The following RAD51B variants were observed in gnomAD, a reference collection of about 807,000 sequenced individuals.
The protein encoded by RAD51B is RAD51 paralog B.
RAD51B carries 38 observed loss-of-function variants against 42.2 expected under a neutral mutation model. The ratio of observed to expected loss-of-function variants is 0.90; its 90% CI spans 0.70 to 1.18. The LOEUF (loss-of-function observed/expected upper bound fraction) is 1.18. Among genes scored for constraint, RAD51B ranks in the 50% most tolerant of loss-of-function variants. The pLI is 0.00. For missense variants in RAD51B, 373 were observed against 400.7 expected (o/e 0.93, Z 0.59); for synonymous variants, 154 against 145.2 (o/e 1.06, Z -0.43).
intron 7 of RAD51B, among the ~76,000 whole-genome samples, chr14:67,925,396 C>T (rs2044470564): frequency 6.6e-6 from 1 of 152,128 alleles, no homozygotes. Context: ...CCTCAGCCTC[C>T]CGAGTAGCCG....
rs142914246 is a variant in RAD51B at position 68,556,094 on chromosome 14, C to G, written c.1037-38391C>G. On this transcript the variant is annotated intron_variant, in intron 10 of 10. Transcript: ENST00000487270. The stretch of plus-strand genomic sequence containing the variant: ...TGTACTAGTGTTCTTCTTAAGAATA[C>G]TTTTTATTTCTTCTAATACCTCAGC... Among the ~76,000 whole-genome samples the G allele has an allele frequency of 7.5e-3, 1,145 of 152,304 alleles. 50 individuals are homozygous for G. Among genetic ancestry groups the G allele is most frequent in the Admixed American group, 0.069 (1,059 of 15,294 alleles).
intron 9 of RAD51B, among the ~76,000 whole-genome samples, chr14:68,416,985 TA>T (rs1423420705): frequency 1.3e-5 from 2 of 152,174 alleles, no homozygotes; most frequent in African/African-American, 4.8e-5. Context: ...GAAAAGTTGA[TA>T]AATTTTTTTT....
At chr14:68,229,433 T>A (rs1169857092) in intron 7 of RAD51B, among the ~76,000 whole-genome samples, 1 of 152,196 alleles carries the variant, frequency 6.6e-6, no homozygotes, top group Non-Finnish European at 1.5e-5. Flanking sequence ...TAGTACGTGC[T>A]AAGAAGCAGT....
chr14:68,191,105 A>G (rs2079257273), intron 7 of RAD51B, among the ~76,000 whole-genome samples: 2 of 152,214 alleles, frequency 1.3e-5, no homozygotes, highest in South Asian at 2.1e-4. Flanking sequence ...CTTGTGTTAA[A>G]TAAATGTTAT....
chr14:68,454,325 C>T (rs751460652), intron 9 of RAD51B, among the ~76,000 whole-genome samples: 12 of 152,046 alleles, frequency 7.9e-5, no homozygotes, highest in Non-Finnish European at 1.6e-4. Context: ...TCTACACCTC[C>T]ATAAAAGTAA....
chr14:68,651,461 G>A (rs995074306), intron 11 of RAD51B, among the ~76,000 whole-genome samples: 1 of 152,144 alleles, frequency 6.6e-6, no homozygotes, highest in Non-Finnish European at 1.5e-5. Flanking sequence ...CAGCATGCCC[G>A]GCCACATGTG....
intron 8 of RAD51B, among the ~76,000 whole-genome samples, chr14:68,346,136 A>G (rs1298793988): frequency 6.6e-6 from 1 of 152,242 alleles, no homozygotes; most frequent in Non-Finnish European, 1.5e-5. Context: ...GATGTTTTTT[A>G]TATTACATAT....
At chr14:68,344,492 A>G (rs558402420) in intron 8 of RAD51B, among the ~76,000 whole-genome samples, 1 of 152,182 alleles carries the variant, frequency 6.6e-6, no homozygotes, top group Non-Finnish European at 1.5e-5. Context: ...CTAAAAGTAC[A>G]AAAAATTAGC....
At chr14:68,061,053 CTTTTTTT>C (rs755916680) in intron 7 of RAD51B, among the ~76,000 whole-genome samples, 4 of 101,290 alleles carry the variant, frequency 3.9e-5, no homozygotes, top group East Asian at 3.1e-4. Flanking sequence ...TATTTGAGGT[CTTTTTTT>C]TTTTTTTTTT....
At chr14:67,869,909 C>T (rs1338363271) in intron 5 of RAD51B, among the ~76,000 whole-genome samples, 1 of 152,030 alleles carries the variant, frequency 6.6e-6, no homozygotes, top group Non-Finnish European at 1.5e-5. Context: ...ACCACCAGGT[C>T]TGCCCTAAAA....
intron 11 of RAD51B, among the ~76,000 whole-genome samples, chr14:68,671,576 C>T (rs565775470): frequency 6.6e-6 from 1 of 152,090 alleles, no homozygotes; most frequent in African/African-American, 2.4e-5. Flanking sequence ...ACCCCGCCTC[C>T]GACAACCTCT....
rs7144484 is a variant in RAD51B, at chr14:68,443,825, A to G, written c.958-24347A>G. Among the ~76,000 whole-genome samples the G allele has an allele frequency of 8.8e-3, 1,333 of 151,948 alleles. 20 individuals are homozygous for G. Among genetic ancestry groups the G allele is most frequent in the Middle Eastern group, 0.034 (10 of 294 alleles). On this transcript the variant is annotated intron_variant, in intron 9 of 10. Transcript: ENST00000471583. ...CAAGGACTGCATTTTCCTATATGAAAACATGAATTTGTGTTTAAAAAAAAA... is the reference window on the plus strand; with the variant it reads ...CAAGGACTGCATTTTCCTATATGAAGACATGAATTTGTGTTTAAAAAAAAA...
At chr14:68,105,121 T>C (rs2077354915) in intron 7 of RAD51B, among the ~76,000 whole-genome samples, 1 of 151,990 alleles carries the variant, frequency 6.6e-6, no homozygotes, top group Non-Finnish European at 1.5e-5. Context: ...ATCTTTTTTT[T>C]TTTTTTCCCC....
chr14:68,428,707 T>TTATATA (rs532906803), intron 9 of RAD51B, among the ~76,000 whole-genome samples: 22 of 99,570 alleles, frequency 2.2e-4, no homozygotes, highest in Non-Finnish European at 2.7e-4. Flanking sequence ...AGGATTTTCT[T>TTATATA]TATATATATA....
chr14:68,324,910 C>T (rs778628022), intron 8 of RAD51B, among the ~76,000 whole-genome samples: 1 of 152,222 alleles, frequency 6.6e-6, no homozygotes, highest in Non-Finnish European at 1.5e-5. Flanking sequence ...TATCCCCTCC[C>T]CTAGCATTTA....
chr14:67,926,524 G>A (rs939445321), intron 7 of RAD51B, among the ~76,000 whole-genome samples: 1 of 147,348 alleles, frequency 6.8e-6, no homozygotes, highest in African/African-American at 2.5e-5. Context: ...TTTTAAAATA[G>A]ACAGATCATG....
exon 11 of RAD51B, chr14:68,595,133 G>A: frequency 2.8e-6 from 3 of 1,066,884 alleles, no homozygotes; most frequent in South Asian, 9.1e-5. Context: ...AGCATGTTAG[G>A]AGCGCTGGAA....
chr14:67,977,283 T>A lies in RAD51B; in HGVS notation c.756+90079T>A, dbSNP rs2075013629. On this transcript the variant is annotated intron_variant, in intron 7 of 10. Coordinates refer to ENST00000471583, the MANE Select transcript of RAD51B (RefSeq NM_133510.4). Reference sequence around the variant, plus strand: ...AACTAGAAATGTTGATTCACCTGTATGTAAAAAATCCTTTTTGAGTGAATT... The same window carrying A: ...AACTAGAAATGTTGATTCACCTGTAAGTAAAAAATCCTTTTTGAGTGAATT... Among the ~76,000 whole-genome samples, 4 of 152,240 alleles carry A rather than the reference T, an allele frequency of 2.6e-5. 1 individual carries two copies. The South Asian group carries it at 8.3e-4, about 32-fold the overall frequency.
At chr14:68,371,036 CAAAA>C (rs75617123) in intron 8 of RAD51B, among the ~76,000 whole-genome samples, 15 of 26,106 alleles carry the variant, frequency 5.7e-4, no homozygotes, top group Non-Finnish European at 8.0e-4. Context: ...GACTCTGTCT[CAAAA>C]AAAAAAAAAA....
Sources: allele counts gnomAD v4.1 joint callset (sites outside exome capture counted in the v4.1 genomes callset), GRCh38; gene constraint gnomAD v4.1.1; transcripts MANE v1.5; gene names NCBI Gene and HGNC (gene_info 2026-07-23, HGNC 2026-07-21).